The following KLHL8 variants were observed in gnomAD, a reference collection of about 807,000 sequenced individuals.
KLHL8 encodes the protein kelch-like protein 8.
KLHL8 carries 38 observed loss-of-function variants against 63.5 expected under a neutral mutation model. That is an observed-to-expected ratio of 0.60 (90% CI 0.46 to 0.78). The LOEUF is 0.78. Among genes scored for constraint, KLHL8 ranks in the 30% least tolerant of loss-of-function variants. The probability of loss-of-function intolerance (pLI) is 0.00; values close to 1 mark genes in which losing one functional copy is unlikely to be tolerated. For missense variants in KLHL8, 566 were observed against 752.4 expected (o/e 0.75, Z 2.90); for synonymous variants, 224 against 254.3 (o/e 0.88, Z 1.13).
At chr4:87,164,185 AT>A in intron 8 of KLHL8, 106 bp from the exon 9 acceptor site, 3 of 1,082,550 alleles carry the variant, frequency 2.8e-6, no homozygotes, top group Non-Finnish European at 4.0e-6. Flanking sequence ...TCATTTTAGA[AT>A]GGTTTAGAGA....
Position 87,162,526 on chromosome 4 carries a change from A to T in KLHL8, c.*993T>A, listed in dbSNP as rs1444552315. 2 of 152,238 alleles carry T rather than the reference A, an allele frequency of 1.3e-5. No homozygotes were observed. The highest frequency in any genetic ancestry group is 2.9e-5 in the Non-Finnish European group (2 of 68,044). 9.4% of individuals were successfully genotyped at this position (152,238 alleles called of 1,614,324 possible). A position where few individuals can be genotyped will look rare whatever the true frequency, so the allele number is the denominator to read the frequency against. On this transcript the variant is annotated 3_prime_UTR_variant, in exon 10 of 10. Transcript: ENST00000273963. ...ACAGTCTACAAAAAGGTTTTTGTAA[A>T]AATGCATTCATTTCTGATAATAAAT...
intron 1 of KLHL8, among the ~76,000 whole-genome samples, chr4:87,231,937 TCTC>T (rs1733144655): frequency 1.3e-5 from 2 of 152,322 alleles, no homozygotes; most frequent in Non-Finnish European, 2.9e-5. Context: ...TCACAGATTT[TCTC>T]CTAATGCTTT....
At chr4:87,171,211 G>T (rs1021306437) in intron 6 of KLHL8, among the ~76,000 whole-genome samples, 2 of 151,962 alleles carry the variant, frequency 1.3e-5, no homozygotes, top group African/African-American at 4.8e-5. Flanking sequence ...AAAACACACT[G>T]CACCAATCAA....
intron 1 of KLHL8, among the ~76,000 whole-genome samples, chr4:87,236,160 A>G (rs1733223484): frequency 6.6e-6 from 1 of 151,606 alleles, no homozygotes. Context: ...ACCTTAAAAT[A>G]TCTGCCTTAT....
intron 1 of KLHL8, among the ~76,000 whole-genome samples, chr4:87,203,688 T>C (rs1397469328): frequency 6.7e-6 from 1 of 150,108 alleles, no homozygotes; most frequent in Non-Finnish European, 1.5e-5. Flanking sequence ...ATGTTATATA[T>C]ATAACTATAC....
intron 4 of KLHL8, among the ~76,000 whole-genome samples, chr4:87,182,026 A>C (rs1731070799): frequency 6.6e-6 from 1 of 152,080 alleles, no homozygotes; most frequent in African/African-American, 2.4e-5. Flanking sequence ...CAGGAGATTG[A>C]GACCATCCTG....
At chr4:87,208,361 C>T (rs1732243430) in intron 1 of KLHL8, among the ~76,000 whole-genome samples, 1 of 151,122 alleles carries the variant, frequency 6.6e-6, no homozygotes, top group African/African-American at 2.4e-5. Context: ...TCTTCTTCTT[C>T]TTTTTTTCTT....
intron 1 of KLHL8, among the ~76,000 whole-genome samples, chr4:87,236,434 C>G (rs960030375): frequency 2.6e-4 from 40 of 151,850 alleles, no homozygotes; most frequent in African/African-American, 9.7e-4. Context: ...GTCTTGAACT[C>G]CTGACCTTAT....
intron 8 of KLHL8, 133 bp downstream of exon 8, chr4:87,169,946 T>G: frequency 1.6e-6 from 1 of 642,688 alleles, no homozygotes; most frequent in South Asian, 2.5e-5. Flanking sequence ...CAAAATTTTG[T>G]AAGAAAGAAT....
chr4:87,195,907 C>G (rs1731677282), intron 1 of KLHL8, among the ~76,000 whole-genome samples: 1 of 152,058 alleles, frequency 6.6e-6, no homozygotes, highest in Non-Finnish European at 1.5e-5. Flanking sequence ...GAACAACTGA[C>G]TTGAGCACAT....
intron 1 of KLHL8, among the ~76,000 whole-genome samples, chr4:87,210,812 T>A (rs1182591216): frequency 6.6e-6 from 1 of 152,208 alleles, no homozygotes; most frequent in Non-Finnish European, 1.5e-5. Flanking sequence ...TGCTAACTCT[T>A]GCTCATCTTC....
chr4:87,197,012 T>C (rs1731722794), intron 1 of KLHL8, among the ~76,000 whole-genome samples: 1 of 152,234 alleles, frequency 6.6e-6, no homozygotes, highest in South Asian at 2.1e-4. Flanking sequence ...ACCAGAACTT[T>C]AGCTACATTA....
chr4:87,176,705 A>C (rs774803152), intron 6 of KLHL8, 52 bp downstream of exon 6: 3 of 1,080,286 alleles, frequency 2.8e-6, no homozygotes, highest in Non-Finnish European at 4.1e-6. Context: ...TTTAAATTTT[A>C]AGAAACTTTA....
chr4:87,195,329 G>T lies in KLHL8; in HGVS notation c.211C>A (p.Leu71Ile). The change falls in exon 2 of 10, where the codon CTC (leucine) becomes ATC (isoleucine). Residue 71 changes from leucine (L) to isoleucine (I), a missense_variant. Transcript: ENST00000273963. Reference protein sequence around the residue: ...YENGELCDVTLKVGSKLISCH... With the variant: ...YENGELCDVTIKVGSKLISCH... ...TACAAAAAAGGCAATCTCACCTTGAGTGTGACATCACAGAGTTCTCCATTT... is the reference window on the plus strand; with the variant it reads ...TACAAAAAAGGCAATCTCACCTTGATTGTGACATCACAGAGTTCTCCATTT... The T allele has an allele frequency of 6.2e-7, 1 of 1,610,844 alleles. No individual in the cohort carries two copies. Among genetic ancestry groups the T allele is most frequent in the South Asian group, 1.1e-5 (1 of 90,964 alleles).
intron 5 of KLHL8, among the ~76,000 whole-genome samples, chr4:87,177,512 A>C (rs1043923314): frequency 6.6e-6 from 1 of 150,986 alleles, no homozygotes. Flanking sequence ...CTCAAAAAAA[A>C]CACAAACAAA....
chr4:87,204,116 T>C (rs947950443), intron 1 of KLHL8, among the ~76,000 whole-genome samples: 1 of 152,126 alleles, frequency 6.6e-6, no homozygotes, highest in Non-Finnish European at 1.5e-5. Context: ...CTCAGCTACA[T>C]AGGATGACTG....
intron 3 of KLHL8, among the ~76,000 whole-genome samples, chr4:87,184,808 G>C (rs748785735): frequency 1.3e-5 from 2 of 152,110 alleles, no homozygotes; most frequent in African/African-American, 4.8e-5. Flanking sequence ...GAAAATAGAA[G>C]TGATGTCCTA....
At chr4:87,193,543 T>C (rs1010354082) in intron 2 of KLHL8, among the ~76,000 whole-genome samples, 2 of 152,224 alleles carry the variant, frequency 1.3e-5, no homozygotes, top group Non-Finnish European at 2.9e-5. Flanking sequence ...TTTTATGTAA[T>C]GTTTCTTCTT....
chr4:87,182,598 CATA>C (rs907275772), intron 4 of KLHL8, among the ~76,000 whole-genome samples: 40 of 151,938 alleles, frequency 2.6e-4, no homozygotes, highest in African/African-American at 8.0e-4. Context: ...CTTCTTATAG[CATA>C]ATGTCTCAAA....
Sources: gnomAD v4.1 joint callset for allele counts (sites outside exome capture counted in the v4.1 genomes callset) on GRCh38, gnomAD v4.1.1 for gene constraint, MANE v1.5 for transcripts, NCBI Gene and HGNC (gene_info 2026-07-23, HGNC 2026-07-21) for gene names.